Variants in PLXDC2 observed in about 807,000 individuals in gnomAD.
PLXDC2 encodes the protein plexin domain containing 2.
Under a neutral mutation model 68.9 loss-of-function variants are expected in PLXDC2, and 40 were observed. The ratio of observed to expected loss-of-function variants is 0.58; its 90% confidence interval spans 0.45 to 0.76. The LOEUF is 0.76. PLXDC2 is among the 30% of genes least tolerant of loss of function. PLXDC2 has a pLI of 0.00. For missense variants in PLXDC2, 644 were observed against 661.9 expected, an observed-to-expected ratio of 0.97 and a Z score of 0.30; for synonymous variants, 243 against 234.2, an observed-to-expected ratio of 1.04 and a Z score of -0.34.
intron 2 of PLXDC2, among the ~76,000 whole-genome samples, chr10:20,015,873 C>T (rs913258965): frequency 6.6e-6 from 1 of 152,166 alleles, no homozygotes; most frequent in African/African-American, 2.4e-5. Context: ...CGTGTTCACT[C>T]TCCTTTCTTA....
chr10:20,122,283 C>G (rs1387255473), intron 4 of PLXDC2, among the ~76,000 whole-genome samples: 1 of 152,140 alleles, frequency 6.6e-6, no homozygotes, highest in Non-Finnish European at 1.5e-5. Context: ...GAAACAGGCC[C>G]TTGAAAATAA....
intron 13 of PLXDC2, among the ~76,000 whole-genome samples, chr10:20,256,049 A>T: frequency 6.6e-6 from 1 of 152,306 alleles, no homozygotes; most frequent in East Asian, 1.9e-4. Context: ...TTAACATAAT[A>T]CTTAAAATTA....
chr10:19,839,917 A>T (rs1012012187), intron 1 of PLXDC2, among the ~76,000 whole-genome samples: 1 of 152,204 alleles, frequency 6.6e-6, no homozygotes, highest in African/African-American at 2.4e-5. Context: ...TAGATCTTCA[A>T]ACAATCTAAA....
At chr10:19,849,405 T>C (rs72784119) in intron 1 of PLXDC2, among the ~76,000 whole-genome samples, 7,357 of 152,246 alleles carry the variant, frequency 0.048, 215 homozygotes, top group Middle Eastern at 0.11. Flanking sequence ...ATACATGATA[T>C]AGTTTGGCTG....
At chr10:20,188,582 T>A (rs1434888178) in intron 9 of PLXDC2, among the ~76,000 whole-genome samples, 1 of 151,696 alleles carries the variant, frequency 6.6e-6, no homozygotes, top group Non-Finnish European at 1.5e-5. Context: ...CTTGTATGTC[T>A]GAGCTAAGGG....
intron 13 of PLXDC2, among the ~76,000 whole-genome samples, chr10:20,252,865 C>T (rs920722071): frequency 9.9e-5 from 15 of 152,038 alleles, no homozygotes; most frequent in Non-Finnish European, 1.9e-4. Context: ...AAAATGTTGC[C>T]TTTTTTAATT....
intron 3 of PLXDC2, among the ~76,000 whole-genome samples, chr10:20,052,115 A>C (rs1835912094): frequency 6.6e-6 from 1 of 151,978 alleles, no homozygotes; most frequent in Non-Finnish European, 1.5e-5. Flanking sequence ...TGGTAATATT[A>C]ACTAGTTTCC....
chr10:20,010,690 A>G (rs1205261654), intron 2 of PLXDC2, among the ~76,000 whole-genome samples: 1 of 152,216 alleles, frequency 6.6e-6, no homozygotes, highest in Non-Finnish European at 1.5e-5. Context: ...CATTAGTCAT[A>G]TAATTTATTT....
chr10:20,237,863 T>C (rs2681939), intron 12 of PLXDC2, among the ~76,000 whole-genome samples: 107,408 of 152,016 alleles, frequency 0.71, 39,072 homozygotes, highest in Non-Finnish European at 0.81. Context: ...TGTTTCATTT[T>C]AAGCCCAGGA....
At chr10:19,853,487 C>A (rs56341302) in intron 1 of PLXDC2, among the ~76,000 whole-genome samples, 40,423 of 151,788 alleles carry the variant, frequency 0.27, 5,510 homozygotes, top group East Asian at 0.45. Flanking sequence ...AACTCCTGGT[C>A]TCAAGGGATC....
In PLXDC2 at chr10:20,047,504, A is replaced by C. The variant is rs964455407; in HGVS notation, c.471+489A>C. Among the ~76,000 whole-genome samples, 11 of 152,312 alleles carry C rather than the reference A, an allele frequency of 7.2e-5. No individual in the cohort carries two copies. The East Asian group carries it at 2.1e-3, about 29-fold the overall frequency. On this transcript the variant is annotated intron_variant, in intron 3 of 13. Transcript: ENST00000377252. ...TCTTAAATGAAGACGTTTAATATAAAGAAAAATAATAAAATATAGAAAGCA... is the reference window on the plus strand; with the variant it reads ...TCTTAAATGAAGACGTTTAATATAACGAAAAATAATAAAATATAGAAAGCA...
At chr10:19,824,037 T>G (rs959644403) in intron 1 of PLXDC2, among the ~76,000 whole-genome samples, 1 of 152,088 alleles carries the variant, frequency 6.6e-6, no homozygotes, top group Admixed American at 6.6e-5. Context: ...AATCTTGCTG[T>G]GGGAGCTGTT....
chr10:20,115,628 C>T (rs960059637), intron 4 of PLXDC2, among the ~76,000 whole-genome samples: 3 of 152,130 alleles, frequency 2.0e-5, no homozygotes, highest in Non-Finnish European at 4.4e-5. Flanking sequence ...AAGAAATGCA[C>T]AGTGTTGAAG....
chr10:20,168,482 A>T (rs1220757298), intron 7 of PLXDC2, among the ~76,000 whole-genome samples: 1 of 152,154 alleles, frequency 6.6e-6, no homozygotes, highest in East Asian at 1.9e-4. Flanking sequence ...ACTAAGAAAC[A>T]CAGTGACAGT....
intron 1 of PLXDC2, among the ~76,000 whole-genome samples, chr10:19,907,549 A>G (rs1490663264): frequency 1.3e-5 from 2 of 152,226 alleles, no homozygotes; most frequent in Non-Finnish European, 2.9e-5. Context: ...AAGCAATAGC[A>G]TTAAATATGA....
intron 1 of PLXDC2, among the ~76,000 whole-genome samples, chr10:19,961,122 A>T (rs879085403): frequency 6.6e-6 from 1 of 152,182 alleles, no homozygotes; most frequent in African/African-American, 2.4e-5. Flanking sequence ...TTGGGGCAGT[A>T]CTTCTGTGAT....
intron 1 of PLXDC2, among the ~76,000 whole-genome samples, chr10:19,883,821 C>T (rs72783702): frequency 0.051 from 7,396 of 145,956 alleles, 268 homozygotes; most frequent in East Asian, 0.16. Context: ...GTTAGTGCTA[C>T]GGAAGGGCAT....
intron 6 of PLXDC2, among the ~76,000 whole-genome samples, chr10:20,148,970 CT>C (rs151275521): frequency 0.027 from 4,108 of 152,056 alleles, 74 homozygotes; most frequent in Non-Finnish European, 0.032. Context: ...CCTTTAAAAA[CT>C]TTTTTAATGA....
chr10:20,026,395 A>T (rs1835403464), intron 2 of PLXDC2, among the ~76,000 whole-genome samples: 1 of 152,138 alleles, frequency 6.6e-6, no homozygotes, highest in Non-Finnish European at 1.5e-5. Flanking sequence ...GTCTCCCCCT[A>T]AGGGTATCAA....
Sources: allele counts gnomAD v4.1 joint callset (sites outside exome capture counted in the v4.1 genomes callset), GRCh38; gene constraint gnomAD v4.1.1; transcripts MANE v1.5; gene names NCBI Gene and HGNC (gene_info 2026-07-23, HGNC 2026-07-21).